The following STXBP6 variants were observed in gnomAD, a reference collection of about 807,000 sequenced individuals.
STXBP6 encodes the protein syntaxin-binding protein 6.
Under a neutral mutation model 26.9 loss-of-function variants are expected in STXBP6, and 21 were observed. That is an observed-to-expected ratio of 0.78 (90% CI 0.55 to 1.12). The LOEUF is 1.12. STXBP6 is among the 50% of genes most tolerant of loss of function. STXBP6 has a pLI of 0.00. For missense variants in STXBP6, 232 were observed against 257.9 expected (o/e 0.90, Z 0.69); for synonymous variants, 97 against 92.6 (o/e 1.05, Z -0.27).
At chr14:24,827,253 C>A (rs1346523799) in intron 4 of STXBP6, among the ~76,000 whole-genome samples, 2 of 152,078 alleles carry the variant, frequency 1.3e-5, no homozygotes, top group Non-Finnish European at 2.9e-5. Context: ...TTCATATGAA[C>A]TAGTGTGAGA....
chr14:24,846,219 G>A (rs1162751858), intron 4 of STXBP6, among the ~76,000 whole-genome samples: 1 of 152,136 alleles, frequency 6.6e-6, no homozygotes, highest in African/African-American at 2.4e-5. Flanking sequence ...GGAATTTGAT[G>A]TTCAGTTATA....
intron 2 of STXBP6, among the ~76,000 whole-genome samples, chr14:24,878,055 A>AT (rs955325653): frequency 9.9e-5 from 15 of 151,704 alleles, no homozygotes; most frequent in African/African-American, 3.6e-4. Context: ...CTTTTTGCCC[A>AT]TTTTTCTATT....
intron 2 of STXBP6, among the ~76,000 whole-genome samples, chr14:24,887,918 C>T (rs1049320813): frequency 2.6e-5 from 4 of 152,074 alleles, no homozygotes; most frequent in African/African-American, 4.8e-5. Flanking sequence ...GGACACACTG[C>T]ATTTCTTTAT....
chr14:24,831,114 A>C (rs930441975), intron 4 of STXBP6, among the ~76,000 whole-genome samples: 2 of 152,172 alleles, frequency 1.3e-5, no homozygotes, highest in Non-Finnish European at 2.9e-5. Context: ...CTCCTAGAAG[A>C]AAGCATAGGT....
At chr14:24,826,531 A>G (rs2068289152) in intron 4 of STXBP6, among the ~76,000 whole-genome samples, 1 of 152,126 alleles carries the variant, frequency 6.6e-6, no homozygotes, top group Non-Finnish European at 1.5e-5. Context: ...TTACTTTCGT[A>G]TGCCACAATT....
intron 4 of STXBP6, among the ~76,000 whole-genome samples, chr14:24,821,335 C>A (rs1594905257): frequency 6.6e-6 from 1 of 152,332 alleles, no homozygotes; most frequent in Middle Eastern, 3.4e-3. Flanking sequence ...CCTGCATGAT[C>A]TTCACTCGTG....
At chr14:24,861,705 A>G (rs2069544164) in intron 2 of STXBP6, among the ~76,000 whole-genome samples, 1 of 149,900 alleles carries the variant, frequency 6.7e-6, no homozygotes, top group African/African-American at 2.5e-5. Flanking sequence ...CCTCTCTGCT[A>G]TAGTTAGTGG....
intron 2 of STXBP6, among the ~76,000 whole-genome samples, chr14:24,902,154 G>A (rs576696135): frequency 6.6e-6 from 1 of 152,164 alleles, no homozygotes; most frequent in Non-Finnish European, 1.5e-5. Flanking sequence ...TTTTGCTAAT[G>A]AAAGGATGAG....
intron 2 of STXBP6, among the ~76,000 whole-genome samples, chr14:24,869,633 G>T (rs1217855546): frequency 6.6e-6 from 1 of 152,026 alleles, no homozygotes; most frequent in African/African-American, 2.4e-5. Flanking sequence ...ATCATAATTG[G>T]GGGATAAACC....
At chr14:24,934,743 AG>A (rs2072537413) in intron 2 of STXBP6, among the ~76,000 whole-genome samples, 1 of 152,154 alleles carries the variant, frequency 6.6e-6, no homozygotes, top group African/African-American at 2.4e-5. Flanking sequence ...ATAAAAGCCA[AG>A]GGGCATAGGA....
intron 2 of STXBP6, among the ~76,000 whole-genome samples, chr14:24,891,923 C>T (rs2070801518): frequency 6.6e-6 from 1 of 152,164 alleles, no homozygotes; most frequent in African/African-American, 2.4e-5. Flanking sequence ...TTTGTTAACC[C>T]CCATTAATCT....
intron 2 of STXBP6, among the ~76,000 whole-genome samples, chr14:24,935,797 T>C (rs541726159): frequency 6.6e-6 from 1 of 152,334 alleles, no homozygotes; most frequent in East Asian, 1.9e-4. Context: ...TGACTCCACC[T>C]AGAAAGTCTT....
intron 1 of STXBP6, among the ~76,000 whole-genome samples, chr14:25,020,740 TC>T: frequency 6.6e-6 from 1 of 152,198 alleles, no homozygotes. Flanking sequence ...TCACTGCACA[TC>T]CCTTCTCACT....
chr14:24,854,686 G>A (rs1566413267), intron 4 of STXBP6, among the ~76,000 whole-genome samples: 1 of 152,052 alleles, frequency 6.6e-6, no homozygotes, highest in Non-Finnish European at 1.5e-5. Flanking sequence ...CTTCTGCCAA[G>A]TCCGTTAAGG....
At chr14:24,829,090 C>T (rs1026078663) in intron 4 of STXBP6, among the ~76,000 whole-genome samples, 3 of 152,120 alleles carry the variant, frequency 2.0e-5, no homozygotes, top group African/African-American at 7.2e-5. Flanking sequence ...TAAAAATCAA[C>T]TGATTGCCAA....
intron 4 of STXBP6, among the ~76,000 whole-genome samples, chr14:24,855,461 G>A (rs1025768746): frequency 3.9e-5 from 6 of 151,988 alleles, no homozygotes; most frequent in Non-Finnish European, 8.8e-5. Flanking sequence ...ACTCAGCTCT[G>A]TATGCCATTC....
At chr14:25,037,726 G>C (rs1039825092) in intron 1 of STXBP6, among the ~76,000 whole-genome samples, 7 of 152,148 alleles carry the variant, frequency 4.6e-5, no homozygotes, top group Non-Finnish European at 8.8e-5. Flanking sequence ...TGTATGTTTA[G>C]AGCAATTCCA....
intron 1 of STXBP6, among the ~76,000 whole-genome samples, chr14:24,982,440 C>T (rs1026328641): frequency 5.9e-5 from 9 of 152,206 alleles, no homozygotes; most frequent in Non-Finnish European, 1.2e-4. Flanking sequence ...GCACCAGCTA[C>T]GCGTTAGCCT....
chr14:24,916,622 G>T lies in STXBP6; in HGVS notation c.154+58043C>A, dbSNP rs571932077. ...TGTTTTATTTAAAGAATCTTTTTTG[G>T]TTTCCAGAAAATACTAGGGAGAACT... On this transcript the variant is annotated intron_variant, in intron 2 of 5. Transcript: ENST00000323944. 2.4e-4 allele frequency among the ~76,000 whole-genome samples: 36 copies of T among 152,048 alleles called. 1 individual carries two copies. The highest frequency in any genetic ancestry group is 8.4e-4 in the African/African-American group (35 of 41,486).
Sources: allele counts gnomAD v4.1 joint callset (sites outside exome capture counted in the v4.1 genomes callset), GRCh38; gene constraint gnomAD v4.1.1; transcripts MANE v1.5; gene names NCBI Gene and HGNC (gene_info 2026-07-23, HGNC 2026-07-21).